ZNF362: variants seen among roughly 807,000 people sequenced by gnomAD.
ZNF362 encodes the protein rotund homolog.
Under a neutral mutation model 42.9 loss-of-function variants are expected in ZNF362, and 11 were observed. The observed-to-expected ratio is 0.26, with a 90% CI of 0.16 to 0.42. The LOEUF is 0.42. ZNF362 is among the 20% of genes least tolerant of loss of function. ZNF362 has a pLI of 1.00. For missense variants in ZNF362, 362 were observed against 576.2 expected, an observed-to-expected ratio of 0.63 and a Z score of 3.81; for synonymous variants, 255 against 257.3, an observed-to-expected ratio of 0.99 and a Z score of 0.09.
the ZNF362 span, among the ~76,000 whole-genome samples, chr1:33,178,857 G>A: frequency 6.6e-6 from 1 of 152,336 alleles, no homozygotes; most frequent in South Asian, 2.1e-4. Context: ...TTTCTCCTGT[G>A]TCCCCCAGGT....
At chr1:33,148,837 G>GAC in the ZNF362 span, among the ~76,000 whole-genome samples, 1 of 152,172 alleles carries the variant, frequency 6.6e-6, no homozygotes, top group Non-Finnish European at 1.5e-5. Flanking sequence ...TCTTCCATTT[G>GAC]ACAGATGAGG....
chr1:33,260,472 G>A lies in ZNF362; in HGVS notation c.-89+3818G>A, dbSNP rs546722345. Among the ~76,000 whole-genome samples the A allele has an allele frequency of 6.6e-5, 10 of 152,344 alleles. No individual in the cohort carries two copies. In the South Asian group the frequency reaches 1.9e-3, roughly 28 times the overall value. On this transcript the variant is annotated intron_variant, in intron 1 of 8. Coordinates refer to ENST00000539719, the MANE Select transcript of ZNF362 (RefSeq NM_152493.3). ...TTGTTTCACAGGTTTCTACTTGAAT[G>A]TTACCTCCTCAGAGGGTCTGCTTGG...
At chr1:33,272,323 G>A (rs1051679050) in intron 2 of ZNF362, among the ~76,000 whole-genome samples, 2 of 152,118 alleles carry the variant, frequency 1.3e-5, no homozygotes. Context: ...TTGGGGCTCG[G>A]GGAGGGCAGA....
the ZNF362 span, among the ~76,000 whole-genome samples, chr1:33,138,733 T>G: frequency 6.6e-6 from 1 of 152,332 alleles, no homozygotes; most frequent in African/African-American, 2.4e-5. Context: ...TTTTTTTCCT[T>G]TGTGTCTTGT....
At chr1:33,290,852 T>C (rs551713135) in intron 6 of ZNF362, among the ~76,000 whole-genome samples, 1 of 152,398 alleles carries the variant, frequency 6.6e-6, no homozygotes, top group South Asian at 2.1e-4. Flanking sequence ...TTTGGCTGCA[T>C]AGATGTCTTC....
chr1:33,163,371 AACT>A, the ZNF362 span: 1 of 151,724 alleles, frequency 6.6e-6, no homozygotes, highest in Non-Finnish European at 1.5e-5. Flanking sequence ...CTTTTTTTAT[AACT>A]ACTTATTGTG....
At position 33,280,093 on chromosome 1, in the gene ZNF362, C is replaced by A. The variant is rs755962784; in HGVS notation, c.350-31C>A. 9.8e-6 allele frequency: 15 copies of A among 1,528,580 alleles called. No individual in the cohort carries two copies. Among genetic ancestry groups the A allele is most frequent in the Middle Eastern group, 1.8e-4 (1 of 5,624 alleles). 94.7% of individuals were successfully genotyped at this position (1,528,580 alleles called of 1,614,324 possible). A position where few individuals can be genotyped will look rare whatever the true frequency, so the allele number is the denominator to read the frequency against. ...CTGAGCTGGCCTCTGCAGCTCCGCT[C>A]ACCCCTGCCCCCACCCACCTGTCTT... On this transcript the variant is annotated intron_variant, in intron 4 of 8. Coordinates refer to ENST00000539719, the MANE Select transcript of ZNF362 (RefSeq NM_152493.3). This position sits in a 1 kb window ranked among gnomAD's most constrained non-coding sequence, Gnocchi z 5.6.
chr1:33,276,031 G>A (rs1021006015), intron 2 of ZNF362, 69 bp from the exon 3 acceptor site: 1 of 1,574,216 alleles, frequency 6.4e-7, no homozygotes, highest in Non-Finnish European at 8.7e-7. Flanking sequence ...AGTGGGCGCA[G>A]CTGAGGGGTG....
At chr1:33,285,174 G>T (rs1427721792) in intron 6 of ZNF362, among the ~76,000 whole-genome samples, 3 of 152,174 alleles carry the variant, frequency 2.0e-5, no homozygotes, top group Non-Finnish European at 4.4e-5. Context: ...AACACTTTGG[G>T]AAGCTGAGAC....
At chr1:33,133,486 G>C in the ZNF362 span, among the ~76,000 whole-genome samples, 1 of 152,080 alleles carries the variant, frequency 6.6e-6, no homozygotes, top group African/African-American at 2.4e-5. Context: ...TGGTGGGCTG[G>C]GGCAGGTGAC....
chr1:33,223,270 A>C, the ZNF362 span, among the ~76,000 whole-genome samples: 1 of 151,972 alleles, frequency 6.6e-6, no homozygotes, highest in African/African-American at 2.4e-5. Context: ...AAACCAAAAA[A>C]CAAAAAAACA....
At chr1:33,147,405 G>C in the ZNF362 span, 1 of 1,614,136 alleles carries the variant, frequency 6.2e-7, no homozygotes. The surrounding 1 kb of genome is among the most constrained non-coding windows in gnomAD (Gnocchi z 8.1). Flanking sequence ...AGGGCTCCGT[G>C]CAGGCGCTGT....
At chr1:33,256,225 C>T (rs1645788420), upstream of ZNF362, among the ~76,000 whole-genome samples, 1 of 141,820 alleles carries the variant, frequency 7.1e-6, no homozygotes, top group Non-Finnish European at 1.6e-5. Flanking sequence ...CCCCGGGGCC[C>T]GAGTGGGGGC....
intron 1 of ZNF362, among the ~76,000 whole-genome samples, chr1:33,257,615 CATTT>C (rs1645802961): frequency 1.3e-5 from 2 of 151,746 alleles, no homozygotes; most frequent in Admixed American, 1.3e-4. Context: ...AACTGGGAAA[CATTT>C]ATTTGGAAGG....
Position 33,294,219 on chromosome 1 carries a change from T to A in ZNF362, c.909-718T>A, listed in dbSNP as rs1160464101. ...TAAGCCCTTTACATGCATTATCTGA[T>A]GTTATCTTCACAAAGCCCGATGAGA... On this transcript the variant is annotated intron_variant, in intron 6 of 8. Transcript: ENST00000539719. This position sits in a 1 kb window ranked among gnomAD's most constrained non-coding sequence, Gnocchi z 4.2. Among the ~76,000 whole-genome samples, 1 of 152,232 alleles carries A rather than the reference T, an allele frequency of 6.6e-6. No homozygotes were observed. The highest frequency in any genetic ancestry group is 1.5e-5 in the Non-Finnish European group (1 of 68,032).
the ZNF362 span, among the ~76,000 whole-genome samples, chr1:33,176,816 A>G: frequency 2.6e-3 from 392 of 152,346 alleles, 2 homozygotes; most frequent in Admixed American, 0.011. Context: ...TCATCAGTAG[A>G]AGAAATAGAT....
At chr1:33,289,586 C>CA (rs1291929030) in intron 6 of ZNF362, among the ~76,000 whole-genome samples, 1 of 152,170 alleles carries the variant, frequency 6.6e-6, no homozygotes, top group African/African-American at 2.4e-5. Flanking sequence ...GACTGTCGGT[C>CA]AGTCAGTGAG....
the ZNF362 span, among the ~76,000 whole-genome samples, chr1:33,216,842 GC>G: frequency 6.6e-6 from 1 of 151,904 alleles, no homozygotes; most frequent in Non-Finnish European, 1.5e-5. Context: ...GGCTGGAGGG[GC>G]TGGGCAAGGG....
the ZNF362 span, among the ~76,000 whole-genome samples, chr1:33,212,048 G>GTTAA: frequency 6.6e-6 from 1 of 152,148 alleles, no homozygotes; most frequent in Non-Finnish European, 1.5e-5. Context: ...GTTTCTCATG[G>GTTAA]TTAACATCAT....
Sources: gnomAD v4.1 joint callset for allele counts (sites outside exome capture counted in the v4.1 genomes callset) on GRCh38, gnomAD v4.1.1 for gene constraint, Gnocchi (gnomAD v3.1) non-coding constraint, MANE v1.5 for transcripts, NCBI Gene and HGNC (gene_info 2026-07-23, HGNC 2026-07-21) for gene names.